Variants in UTY observed in about 807,000 individuals in gnomAD.
The protein encoded by UTY is ubiquitously transcribed tetratricopeptide repeat containing, Y-linked, also known as histone demethylase UTY.
Under a neutral mutation model 32.5 loss-of-function variants are expected in UTY, and 12 were observed. That is an observed-to-expected ratio of 0.37 (90% CI 0.24 to 0.60). The LOEUF is 0.60. Among genes scored for constraint, UTY ranks in the 20% least tolerant of loss-of-function variants. The pLI is 0.69. For missense variants in UTY, 303 were observed against 299.2 expected, an observed-to-expected ratio of 1.01 and a Z score of -0.09; for synonymous variants, 131 against 103.4, an observed-to-expected ratio of 1.27 and a Z score of -1.62.
intron 4 of UTY, among the ~76,000 whole-genome samples, chrY:13,435,301 T>C (rs775671305): frequency 6.0e-5 from 2 of 33,461 alleles, no homozygotes; most frequent in African/African-American, 2.3e-4. Flanking sequence ...CCTCCCAGCA[T>C]TGCTAACAGG....
In UTY at chrY:13,319,704, T is replaced by C. The variant is rs1025224022; in HGVS notation, c.3276+3851A>G. On this transcript the variant is annotated intron_variant, in intron 21 of 29. Coordinates refer to ENST00000545955, the MANE Select transcript of UTY (RefSeq NM_001258249.2). Reference sequence around the variant, plus strand: ...AGATTAACAAGGATTTCTTGAAGCATTAACCATCTCCTTAAGAAAGATTAT... The same window carrying C: ...AGATTAACAAGGATTTCTTGAAGCACTAACCATCTCCTTAAGAAAGATTAT... Among the ~76,000 whole-genome samples, 5 of 33,729 alleles carry C rather than the reference T, an allele frequency of 1.5e-4. No individual in the cohort carries two copies. The South Asian group carries it at 3.2e-3, about 22-fold the overall frequency. 90.5% of individuals were successfully genotyped at this position (33,729 alleles called of 37,273 possible).
At chrY:13,353,126 T>TAGAA (rs2062568503) in intron 17 of UTY, among the ~76,000 whole-genome samples, 1 of 34,281 alleles carries the variant, frequency 2.9e-5, no homozygotes. Context: ...ATTTAGGTCT[T>TAGAA]TTCTAACTAG....
chrY:13,234,568 T>C, downstream of UTY: 1 of 135,714 alleles, frequency 7.4e-6, no homozygotes, highest in South Asian at 3.9e-5. Flanking sequence ...ATGAGGAACG[T>C]GGACAAATGG....
At chrY:13,447,808 A>C in intron 4 of UTY, among the ~76,000 whole-genome samples, 1 of 33,553 alleles carries the variant, frequency 3.0e-5, no homozygotes, top group Non-Finnish European at 7.4e-5. Flanking sequence ...AAACTCTGAG[A>C]CTAAGAACTG....
intron 18 of UTY, among the ~76,000 whole-genome samples, chrY:13,332,501 T>G (rs2060754510): frequency 3.0e-5 from 1 of 33,728 alleles, no homozygotes; most frequent in Non-Finnish European, 7.4e-5. Context: ...AAAACCCACA[T>G]GATTATTTCA....
At chrY:13,314,321 G>T (rs574101865) in intron 21 of UTY, among the ~76,000 whole-genome samples, 1 of 33,267 alleles carries the variant, frequency 3.0e-5, no homozygotes, top group South Asian at 6.7e-4. Context: ...GGCTGAGGCA[G>T]GAGAATGGCC....
At chrY:13,338,181 AATT>A (rs2061233643) in intron 17 of UTY, among the ~76,000 whole-genome samples, 1 of 27,000 alleles carries the variant, frequency 3.7e-5, no homozygotes, top group Non-Finnish European at 8.6e-5. Flanking sequence ...TGGCCTGGCT[AATT>A]ATTTTCTTCT....
At chrY:13,280,645 G>A (rs2056953445) in intron 27 of UTY, among the ~76,000 whole-genome samples, 1 of 32,172 alleles carries the variant, frequency 3.1e-5, no homozygotes, top group African/African-American at 1.2e-4. Context: ...CCAATTAGCC[G>A]GGATTACAGG....
chrY:13,385,504 A>G (rs2066625226), intron 8 of UTY, among the ~76,000 whole-genome samples: 1 of 32,920 alleles, frequency 3.0e-5, no homozygotes, highest in East Asian at 7.9e-4. Flanking sequence ...AGTTAACTAT[A>G]ATCTCCAACT....
At chrY:13,375,397 A>G in intron 8 of UTY, among the ~76,000 whole-genome samples, 2 of 33,792 alleles carry the variant, frequency 5.9e-5, no homozygotes, top group African/African-American at 2.3e-4. Context: ...TTAAATAAGT[A>G]AGCTAATGTA....
chrY:13,277,939 G>A (rs2148579492), intron 27 of UTY, among the ~76,000 whole-genome samples: 1 of 33,389 alleles, frequency 3.0e-5, no homozygotes, highest in South Asian at 6.9e-4. Context: ...CCCTTCCCCA[G>A]TTCTAGGCAG....
chrY:13,285,938 G>A, intron 27 of UTY, among the ~76,000 whole-genome samples: 1 of 33,706 alleles, frequency 3.0e-5, no homozygotes, highest in South Asian at 6.4e-4. Flanking sequence ...CCTAAACCCC[G>A]CCACCTTGCT....
At chrY:13,420,183 G>A (rs970628153) in intron 4 of UTY, among the ~76,000 whole-genome samples, 6 of 32,954 alleles carry the variant, frequency 1.8e-4, no homozygotes, top group Non-Finnish European at 3.0e-4. Flanking sequence ...TCCTTTCATG[G>A]CAAGGCTACA....
At chrY:13,471,589 C>T (rs568022984) in intron 2 of UTY, among the ~76,000 whole-genome samples, 2 of 33,530 alleles carry the variant, frequency 6.0e-5, no homozygotes, top group East Asian at 1.5e-3. Context: ...TTTGGGAGGC[C>T]GAAGGCAGGT....
chrY:13,326,173 T>A (rs756016873), intron 19 of UTY, 48 bp downstream of exon 19: 1 of 387,746 alleles, frequency 2.6e-6, no homozygotes, highest in Non-Finnish European at 3.6e-6. Flanking sequence ...ACAAGACACA[T>A]TAGTTCAGAC....
At chrY:13,283,736 C>G (rs1603300840) in intron 27 of UTY, among the ~76,000 whole-genome samples, 2 of 33,339 alleles carry the variant, frequency 6.0e-5, no homozygotes, top group East Asian at 1.5e-3. Flanking sequence ...AAGAGAACAG[C>G]AGCATAAGCG....
In UTY at chrY:13,302,936, A is replaced by G. The variant is rs749026373; in HGVS notation, c.3621T>C (p.Asp1207=). ...CSVNINIGPG[D]CEWFVVPEDY... ...CTTCAGGTACAACAAACCATTCACA[A>G]TCTCCTGGACCAATATTTATGTTAA... The change falls in exon 25 of 30, where the codon GAT becomes GAC. Residue 1207 remains aspartate, a synonymous_variant. Transcript: ENST00000545955. 4 of 395,402 alleles carry G rather than the reference A, an allele frequency of 1.0e-5. No individual in the cohort carries two copies. In the Admixed American group the frequency reaches 2.2e-4, roughly 22 times the overall value.
At chrY:13,275,418 A>T in intron 27 of UTY, among the ~76,000 whole-genome samples, 1 of 33,779 alleles carries the variant, frequency 3.0e-5, no homozygotes, top group South Asian at 6.5e-4. Context: ...TCTAGCCTAT[A>T]TTTCAGACTC....
intron 2 of UTY, among the ~76,000 whole-genome samples, chrY:13,471,841 G>A: frequency 3.2e-5 from 1 of 31,479 alleles, no homozygotes; most frequent in Admixed American, 2.9e-4. Flanking sequence ...AAAAAGAGGA[G>A]GACGAAAGGG....
Sources: gnomAD v4.1 joint callset for allele counts (sites outside exome capture counted in the v4.1 genomes callset) on GRCh38, gnomAD v4.1.1 for gene constraint, MANE v1.5 for transcripts, NCBI Gene and HGNC (gene_info 2026-07-23, HGNC 2026-07-21) for gene names.